Variants in RARS2 observed in about 807,000 individuals in gnomAD.
RARS2 encodes arginyl-tRNA synthetase 2, mitochondrial, also known as probable arginine--tRNA ligase, mitochondrial.
In RARS2, 67 loss-of-function variants were observed where a neutral mutation model predicts 88.5. The observed-to-expected ratio is 0.76, with a 90% confidence interval of 0.62 to 0.93. The LOEUF is 0.93. RARS2 is among the 40% of genes least tolerant of loss of function. The pLI, the probability that RARS2 is intolerant of heterozygous loss-of-function variation, is 0.00. For missense variants in RARS2, 664 were observed against 684.2 expected, an observed-to-expected ratio of 0.97 and a Z score of 0.33; for synonymous variants, 239 against 230.3, an observed-to-expected ratio of 1.04 and a Z score of -0.34.
At chr6:87,571,818 C>T (rs879619221) in intron 1 of RARS2, among the ~76,000 whole-genome samples, 7 of 152,170 alleles carry the variant, frequency 4.6e-5, no homozygotes, top group Non-Finnish European at 8.8e-5. Flanking sequence ...GACCTGGAGA[C>T]GTCACTTTCT....
At position 87,535,672 on chromosome 6, in the gene RARS2, T is replaced by C. The variant is rs553980833; in HGVS notation, c.613-4730A>G. 8.0e-5 allele frequency among the ~76,000 whole-genome samples: 10 copies of C among 125,334 alleles called. No homozygotes were observed. The South Asian group carries it at 2.2e-3, about 28-fold the overall frequency. 82.2% of individuals were successfully genotyped at this position (125,334 alleles called of 152,430 possible). On this transcript the variant is annotated intron_variant, in intron 8 of 19. Transcript: ENST00000369536. The stretch of plus-strand genomic sequence containing the variant: ...TACTATTTGTGTTATTATGTAACTG[T>C]TTTGTTTTTTTTTTTTTTTTTTGAG...
chr6:87,570,918 T>G (rs1417588197), intron 1 of RARS2, among the ~76,000 whole-genome samples: 1 of 152,162 alleles, frequency 6.6e-6, no homozygotes, highest in Non-Finnish European at 1.5e-5. Context: ...ATCCCAGACT[T>G]TCCTACTATT....
chr6:87,536,420 A>T (rs998307148), intron 8 of RARS2, among the ~76,000 whole-genome samples: 2 of 152,056 alleles, frequency 1.3e-5, no homozygotes, highest in Non-Finnish European at 2.9e-5. Flanking sequence ...GCGGATCACA[A>T]GGTCAGGAGT....
chr6:87,588,474 T>C (rs888026282), intron 1 of RARS2, among the ~76,000 whole-genome samples: 1 of 152,138 alleles, frequency 6.6e-6, no homozygotes, highest in Non-Finnish European at 1.5e-5. Flanking sequence ...TCCGTCCAAG[T>C]GATCCTCCAG....
chr6:87,556,344 T>C (rs547659819), intron 4 of RARS2, among the ~76,000 whole-genome samples: 8 of 152,208 alleles, frequency 5.3e-5, no homozygotes, highest in African/African-American at 1.9e-4. Context: ...CCTTACTCTG[T>C]CTCCCAGGCT....
intron 12 of RARS2, among the ~76,000 whole-genome samples, chr6:87,521,163 C>T (rs1190706066): frequency 1.3e-5 from 2 of 152,126 alleles, no homozygotes; most frequent in African/African-American, 4.8e-5. Context: ...TTAAAAACAA[C>T]TGTTGAGCCC....
At chr6:87,542,958 G>C (rs1022587919) in intron 7 of RARS2, among the ~76,000 whole-genome samples, 1 of 149,874 alleles carries the variant, frequency 6.7e-6, no homozygotes, top group African/African-American at 2.5e-5. Flanking sequence ...AGAACTTAAA[G>C]TATAAAATAA....
chr6:87,556,951 C>A (rs1473177015), intron 4 of RARS2, among the ~76,000 whole-genome samples: 1 of 151,782 alleles, frequency 6.6e-6, no homozygotes, highest in Non-Finnish European at 1.5e-5. Context: ...CATGCCTGGC[C>A]CCAAAATGCA....
At chr6:87,539,133 A>G (rs1013850395) in intron 8 of RARS2, among the ~76,000 whole-genome samples, 7 of 152,228 alleles carry the variant, frequency 4.6e-5, no homozygotes, top group African/African-American at 1.4e-4. Context: ...GATTAAATAA[A>G]AACTTTTGAG....
chr6:87,534,041 A>G (rs1407331727), intron 8 of RARS2, among the ~76,000 whole-genome samples: 1 of 152,182 alleles, frequency 6.6e-6, no homozygotes, highest in Non-Finnish European at 1.5e-5. Flanking sequence ...CCTAGTTTAG[A>G]AAAGAACATG....
rs1181812503 is a variant in RARS2, at chr6:87,569,893, T to TA, written c.37-304dup. On this transcript the variant is annotated intron_variant, in intron 1 of 19. Coordinates refer to ENST00000369536, the MANE Select transcript of RARS2 (RefSeq NM_020320.5). ...AAGAATGAACTTTACCTTCGTAAAT[T>TA]AAAAAAAAAAAAAAGTATGGCAAGA... 8.3e-3 allele frequency among the ~76,000 whole-genome samples: 1,137 copies of TA among 136,790 alleles called. 8 individuals are homozygous for TA. Among genetic ancestry groups the TA allele is most frequent in the African/African-American group, 0.025 (948 of 37,244 alleles). The allele number at this position is 136,790 out of a possible 152,430, so 89.7% of individuals were successfully genotyped here. A position where few individuals can be genotyped will look rare whatever the true frequency, so the allele number is the denominator to read the frequency against.
rs755407780 is a variant in RARS2, at chr6:87,521,571, T to C, written c.975-47A>G. 45 of 1,455,870 alleles carry C rather than the reference T, an allele frequency of 3.1e-5. No individual in the cohort carries two copies. The East Asian group carries it at 9.8e-4, about 32-fold the overall frequency. The allele number at this position is 1,455,870 out of a possible 1,614,324, so 90.2% of individuals were successfully genotyped here. Reference sequence around the variant, plus strand: ...CCAAGAGTTACTAAGCAGATCCGGGTAATAATTGGTCTTACCTATTTAATA... The same window carrying C: ...CCAAGAGTTACTAAGCAGATCCGGGCAATAATTGGTCTTACCTATTTAATA... On this transcript the variant is annotated intron_variant, in intron 11 of 19. Coordinates refer to ENST00000369536, the MANE Select transcript of RARS2 (RefSeq NM_020320.5).
chr6:87,519,208 G>GTGTGTGTGTATGTATATA (rs1210109506), intron 14 of RARS2: 2 of 256,374 alleles, frequency 7.8e-6, no homozygotes, highest in African/African-American at 4.8e-5. Flanking sequence ...GTGTGTGTGT[G>GTGTGTGTGTATGTATATA]TATATATATA....
intron 1 of RARS2, among the ~76,000 whole-genome samples, chr6:87,585,754 A>AAT (rs1299456636): frequency 5.1e-5 from 7 of 138,564 alleles, no homozygotes; most frequent in African/African-American, 2.0e-4. Context: ...TAAATAAATA[A>AAT]AAATAAAAAT....
At chr6:87,534,152 G>T (rs1778430986) in intron 8 of RARS2, among the ~76,000 whole-genome samples, 2 of 152,076 alleles carry the variant, frequency 1.3e-5, no homozygotes, top group African/African-American at 4.8e-5. Context: ...AACATGAAAT[G>T]AAAAATTAAA....
intron 2 of RARS2, among the ~76,000 whole-genome samples, chr6:87,564,936 T>C (rs1041267056): frequency 6.8e-4 from 37 of 54,740 alleles, no homozygotes; most frequent in African/African-American, 2.2e-3. Context: ...CATGTGCCCG[T>C]AAGCCCAGCT....
chr6:87,569,016 C>G (rs141818500), intron 2 of RARS2, among the ~76,000 whole-genome samples: 105 of 152,278 alleles, frequency 6.9e-4, no homozygotes, highest in African/African-American at 2.2e-3. Context: ...GAGAAAGCAA[C>G]TATTAGTTGT....
chr6:87,513,971 G>C lies in RARS2; in HGVS notation c.*442C>G, dbSNP rs1770699496. Among the ~76,000 whole-genome samples the C allele has an allele frequency of 6.6e-6, 1 of 152,144 alleles. No homozygotes were observed. Among genetic ancestry groups the C allele is most frequent in the South Asian group, 2.1e-4 (1 of 4,830 alleles). On this transcript the variant is annotated 3_prime_UTR_variant, in exon 20 of 20. Coordinates refer to ENST00000369536, the MANE Select transcript of RARS2 (RefSeq NM_020320.5). ...ACTCATTTATTTAAGGATAAAGACT[G>C]AATAACTTGACAAGTCACATTTAAT...
Position 87,548,620 on chromosome 6 carries a change from T to C in RARS2, c.422A>G (p.His141Arg), listed in dbSNP as rs377591456. The part of the protein sequence containing the change: ...FSSPNVAKKF[H>R]VGHLRSTIIG... ...GATGGTAGAACGCAAATGTCCAACA[T>C]GAAATTTTTTGGCAACATTAGGTGA... is the stretch of plus-strand genomic sequence containing the variant. Residue 141 changes from histidine (H) to arginine (R), a missense_variant, in exon 6 of 20, where the codon CAT (histidine) becomes CGT (arginine). Transcript: ENST00000369536. 9.9e-6 allele frequency: 16 copies of C among 1,613,102 alleles called. No individual in the cohort carries two copies. The African/African-American group carries it at 1.3e-4, about 13-fold the overall frequency.
Sources: allele counts gnomAD v4.1 joint callset (sites outside exome capture counted in the v4.1 genomes callset), GRCh38; gene constraint gnomAD v4.1.1; transcripts MANE v1.5; gene names NCBI Gene and HGNC (gene_info 2026-07-23, HGNC 2026-07-21).